FAF1: variants seen among roughly 807,000 people sequenced by gnomAD.
FAF1 encodes the protein FAS-associated factor 1.
FAF1 carries 25 observed loss-of-function variants against 92.5 expected under a neutral mutation model. The ratio of observed to expected loss-of-function variants is 0.27; its 90% CI spans 0.20 to 0.38. The LOEUF (loss-of-function observed/expected upper bound fraction) is 0.38, where lower values mean the gene tolerates loss of function less well. Ranked by LOEUF, FAF1 falls within the 10% of genes least tolerant of loss-of-function variation. FAF1 has a pLI of 1.00. For synonymous variants in FAF1, 234 were observed against 273.2 expected (o/e 0.86, Z 1.42); for missense variants, 636 against 793.3 (o/e 0.80, Z 2.38).
chr1:50,822,953 T>C (rs1644058601), intron 2 of FAF1, among the ~76,000 whole-genome samples: 1 of 152,098 alleles, frequency 6.6e-6, no homozygotes, highest in Non-Finnish European at 1.5e-5. Flanking sequence ...TTTGTATTTT[T>C]AGTAGAGACA....
Position 50,728,409 on chromosome 1 carries a change from G to A in FAF1, c.551+10454C>T, listed in dbSNP as rs376836344. Among the ~76,000 whole-genome samples, 6 of 152,336 alleles carry A rather than the reference G, an allele frequency of 3.9e-5. 1 individual carries two copies. The South Asian group carries it at 1.2e-3, about 32-fold the overall frequency. The stretch of plus-strand genomic sequence containing the variant: ...CAGAGGGACAGCGATAAAAGACGAA[G>A]TTAGAGAGAAAGACAAGGATAAGAT... On this transcript the variant is annotated intron_variant, in intron 6 of 18. Coordinates refer to ENST00000396153, the MANE Select transcript of FAF1 (RefSeq NM_007051.3).
At chr1:50,730,072 A>T (rs951219272) in intron 6 of FAF1, among the ~76,000 whole-genome samples, 1 of 152,068 alleles carries the variant, frequency 6.6e-6, no homozygotes, top group Non-Finnish European at 1.5e-5. Flanking sequence ...TTTATGAAAA[A>T]TCCTCTGGAG....
chr1:50,492,544 T>C (rs1279057994), intron 15 of FAF1, among the ~76,000 whole-genome samples: 2 of 152,242 alleles, frequency 1.3e-5, no homozygotes, highest in Non-Finnish European at 2.9e-5. Context: ...GAATTTCCCA[T>C]TTGTTATATT....
chr1:50,650,059 C>T (rs553847827), intron 8 of FAF1, among the ~76,000 whole-genome samples: 14 of 145,474 alleles, frequency 9.6e-5, no homozygotes, highest in South Asian at 6.6e-4. Context: ...CCGAGGTGGG[C>T]GGATCACCTG....
chr1:50,890,251 G>A (rs1272478094), intron 1 of FAF1, among the ~76,000 whole-genome samples: 1 of 152,124 alleles, frequency 6.6e-6, no homozygotes, highest in Non-Finnish European at 1.5e-5. Flanking sequence ...GACCCTATGT[G>A]TGTCTCTGCA....
At chr1:50,663,082 G>T (rs71651153) in intron 7 of FAF1, among the ~76,000 whole-genome samples, 3 of 151,576 alleles carry the variant, frequency 2.0e-5, no homozygotes, top group African/African-American at 7.3e-5. Context: ...TTATAGATGA[G>T]AAAAGCTAAA....
At chr1:50,606,179 T>C (rs1275048866) in intron 8 of FAF1, among the ~76,000 whole-genome samples, 1 of 152,218 alleles carries the variant, frequency 6.6e-6, no homozygotes, top group African/African-American at 2.4e-5. Context: ...TGCCCAATTA[T>C]TTTTAAGAAT....
chr1:50,951,631 C>G (rs573547157), intron 1 of FAF1, among the ~76,000 whole-genome samples: 1 of 152,158 alleles, frequency 6.6e-6, no homozygotes, highest in Non-Finnish European at 1.5e-5. Flanking sequence ...ATGCAAAAAC[C>G]TTATTTTCCC....
At chr1:50,940,731 A>G (rs1295477305) in intron 1 of FAF1, among the ~76,000 whole-genome samples, 1 of 152,260 alleles carries the variant, frequency 6.6e-6, no homozygotes, top group Non-Finnish European at 1.5e-5. Flanking sequence ...TAAAAATGAA[A>G]GTAATGTACA....
chr1:50,588,637 G>A (rs1201167928), intron 9 of FAF1, among the ~76,000 whole-genome samples: 1 of 152,164 alleles, frequency 6.6e-6, no homozygotes, highest in Non-Finnish European at 1.5e-5. Context: ...GGGGGACACT[G>A]AGTCTTGTCA....
chr1:50,694,102 C>CA (rs1332948994), intron 7 of FAF1, among the ~76,000 whole-genome samples: 2 of 138,554 alleles, frequency 1.4e-5, no homozygotes, highest in Admixed American at 6.8e-5. Context: ...AACTGACCAG[C>CA]AAAAAAACAG....
intron 4 of FAF1, among the ~76,000 whole-genome samples, chr1:50,759,511 A>G (rs892182842): frequency 1.3e-5 from 2 of 151,896 alleles, no homozygotes; most frequent in African/African-American, 4.8e-5. Flanking sequence ...ATAGTATTCC[A>G]TGGTGTATAT....
chr1:50,895,132 TAACCAGACTAAATA>T (rs1265556864), intron 1 of FAF1, among the ~76,000 whole-genome samples: 4 of 152,040 alleles, frequency 2.6e-5, no homozygotes, highest in Admixed American at 2.6e-4. Flanking sequence ...GACAAATCTT[TAACCAGACTAAATA>T]AAAGAGGAAA....
chr1:50,442,163 T>C (rs1323007012), intron 18 of FAF1, among the ~76,000 whole-genome samples: 2 of 152,136 alleles, frequency 1.3e-5, no homozygotes, highest in Non-Finnish European at 2.9e-5. Flanking sequence ...TGGGATACGT[T>C]AATCATACAG....
chr1:50,729,036 A>ATCTATCTATCTATC (rs753561961), intron 6 of FAF1, among the ~76,000 whole-genome samples: 166 of 95,222 alleles, frequency 1.7e-3, no homozygotes, highest in African/African-American at 4.3e-3. Context: ...CTATCTATCT[A>ATCTATCTATCTATC]TATATATATA....
intron 2 of FAF1, among the ~76,000 whole-genome samples, chr1:50,852,116 AGAAAAGATTCAT>A (rs1644356157): frequency 6.6e-6 from 1 of 152,184 alleles, no homozygotes; most frequent in African/African-American, 2.4e-5. Context: ...AAAAATGCAA[AGAAAAGATTCAT>A]GAAAAGTATT....
At chr1:50,867,562 CA>C (rs1027109164) in intron 1 of FAF1, among the ~76,000 whole-genome samples, 2 of 148,048 alleles carry the variant, frequency 1.4e-5, no homozygotes, top group African/African-American at 2.5e-5. Context: ...ATACAAATGG[CA>C]AAAAAAAATG....
intron 15 of FAF1, among the ~76,000 whole-genome samples, chr1:50,514,108 A>G (rs1647173985): frequency 6.6e-6 from 1 of 152,248 alleles, no homozygotes; most frequent in Non-Finnish European, 1.5e-5. Flanking sequence ...TTAATTCTCA[A>G]TGGATTCTCC....
At chr1:50,678,487 A>T (rs1171423031) in intron 7 of FAF1, among the ~76,000 whole-genome samples, 1 of 152,118 alleles carries the variant, frequency 6.6e-6, no homozygotes, top group African/African-American at 2.4e-5. Flanking sequence ...GTTGCTTTTT[A>T]AAAAATACAT....
Sources: gnomAD v4.1 joint callset for allele counts (sites outside exome capture counted in the v4.1 genomes callset) on GRCh38, gnomAD v4.1.1 for gene constraint, MANE v1.5 for transcripts, NCBI Gene and HGNC (gene_info 2026-07-23, HGNC 2026-07-21) for gene names.